The following NAGS variants were observed in gnomAD, a reference collection of about 807,000 sequenced individuals.
NAGS encodes N-acetylglutamate synthase.
A neutral mutation model predicts 46.9 loss-of-function variants in NAGS; 34 were observed. The observed-to-expected ratio is 0.72, with a 90% CI of 0.55 to 0.97. The LOEUF is 0.97. Among genes scored for constraint, NAGS ranks in the 50% least tolerant of loss-of-function variants. The probability of loss-of-function intolerance (pLI) is 0.00; values close to 1 mark genes in which losing one functional copy is unlikely to be tolerated. For synonymous variants in NAGS, 334 were observed against 346.3 expected (o/e 0.96, Z 0.39); for missense variants, 665 against 747.0 (o/e 0.89, Z 1.28).
In NAGS at chr17:44,008,491, ATCT is replaced by A. The variant is rs756231131; in HGVS notation, c.1502_1504del (p.Phe501del). ...TGGCAGCTTCTCCAACAAGCAGTGG[ATCT>A]TCTTCTGGTTTGGCCTGGCTGATAT... On this transcript the variant is annotated inframe_deletion, in exon 7 of 7. Transcript: ENST00000293404. The A allele has an allele frequency of 1.9e-6, 3 of 1,614,232 alleles. No individual in the cohort carries two copies. The highest frequency in any genetic ancestry group is 2.5e-6 in the Non-Finnish European group (3 of 1,180,030).
Position 44,005,962 on chromosome 17 carries a change from C to G in NAGS, c.701+51C>G. On this transcript the variant is annotated intron_variant, in intron 2 of 6. Transcript: ENST00000293404. This position sits in a 1 kb window ranked among gnomAD's most constrained non-coding sequence, Gnocchi z 7.2. ...GCGTCCTCAGAGCGTGCTACTCTGC[C>G]CGCCCTGCCCCGTCCGGCAGGCCTG... is the stretch of plus-strand genomic sequence containing the variant. The G allele has an allele frequency of 6.4e-7, 1 of 1,552,590 alleles. No individual in the cohort carries two copies. Among genetic ancestry groups the G allele is most frequent in the African/African-American group, 1.4e-5 (1 of 73,562 alleles).
In NAGS at chr17:44,007,333, C is replaced by T. The variant is rs781536676; in HGVS notation, c.1107C>T (p.Thr369=). 5.0e-6 allele frequency: 8 copies of T among 1,613,732 alleles called. No homozygotes were observed. Among genetic ancestry groups the T allele is most frequent in the Non-Finnish European group, 6.8e-6 (8 of 1,179,904 alleles). Residue 369 remains threonine (T), a synonymous_variant, in exon 5 of 7, where the codon ACC becomes ACT. Coordinates refer to ENST00000293404, the MANE Select transcript of NAGS (RefSeq NM_153006.3). The surrounding 1 kb of genome is among the most constrained non-coding windows in gnomAD (Gnocchi z 5.1). ...CCCATCCTCCTCCAGGGTCCGGGAC[C>T]CTGTTCAAGAACGCCGAGCGAATGC... ...TELFSNKGSG[T]LFKNAERMLR... is the part of the protein sequence containing the mutation.
rs551970622 is a variant in NAGS, at chr17:44,008,475, C to T, written c.1479C>T (p.Phe493=). The change falls in exon 7 of 7, where the codon TTC becomes TTT. Residue 493 remains phenylalanine (F), a synonymous_variant. Transcript: ENST00000293404. ...PWYFKHSDGS[F]SNKQWIFFWF... Reference sequence around the variant, plus strand: ...ACTTCAAACACAGTGATGGCAGCTTCTCCAACAAGCAGTGGATCTTCTTCT... The same window carrying T: ...ACTTCAAACACAGTGATGGCAGCTTTTCCAACAAGCAGTGGATCTTCTTCT... 17 of 1,614,278 alleles carry T rather than the reference C, an allele frequency of 1.1e-5. No individual in the cohort carries two copies. The East Asian group carries it at 3.1e-4, about 30-fold the overall frequency.
chr17:44,005,758 C>T lies in NAGS; in HGVS notation c.548C>T (p.Pro183Leu), dbSNP rs1324466206. ...CTGGGGCTGCCGGCCCCTACGGCTC[C>T]CTCGGGCTGTCTTTCCTTCTGGGAG... is the stretch of plus-strand genomic sequence containing the variant. ...VVLGLPAPTA[P>L]SGCLSFWEAK... Residue 183 changes from proline to leucine, a missense_variant, in exon 2 of 7, where the codon CCC becomes CTC. Pro to Leu is a moderately conservative substitution (Grantham distance 98, BLOSUM62 -3). Transcript: ENST00000293404. The surrounding 1 kb of genome is among the most constrained non-coding windows in gnomAD (Gnocchi z 7.2). 2 of 1,591,230 alleles carry T rather than the reference C, an allele frequency of 1.3e-6. No individual in the cohort carries two copies. The highest frequency in any genetic ancestry group is 1.7e-6 in the Non-Finnish European group (2 of 1,169,672).
chr17:44,008,983 C>T lies in NAGS; in HGVS notation c.*382C>T, dbSNP rs923164970. The T allele has an allele frequency of 3.9e-5, 11 of 284,842 alleles. No homozygotes were observed. The highest frequency in any genetic ancestry group is 1.5e-4 in the East Asian group (2 of 13,682). 17.6% of individuals were successfully genotyped at this position (284,842 alleles called of 1,614,324 possible). A position where few individuals can be genotyped will look rare whatever the true frequency, so the allele number is the denominator to read the frequency against. On this transcript the variant is annotated 3_prime_UTR_variant, in exon 7 of 7. Coordinates refer to ENST00000293404, the MANE Select transcript of NAGS (RefSeq NM_153006.3). ...TTACCCAAAATAATACCCCTGCCTG[C>T]GTGATATTCTACCATTCATTTTAAT...
Position 44,006,558 on chromosome 17 carries a change from C to A in NAGS, c.945C>A (p.Asp315Glu). 1 of 1,567,662 alleles carries A rather than the reference C, an allele frequency of 6.4e-7. No homozygotes were observed. Among genetic ancestry groups the A allele is most frequent in the Non-Finnish European group, 8.7e-7 (1 of 1,155,626 alleles). Residue 315 changes from aspartate to glutamate, a missense_variant, in exon 4 of 7, where the codon GAC becomes GAA. By Grantham distance (45) the Asp-to-Glu change is conservative. Transcript: ENST00000293404. This position sits in a 1 kb window ranked among gnomAD's most constrained non-coding sequence, Gnocchi z 4.8. ...TGAGTAACGTGAACCTGCCCGCCGA[C>A]CTGGACCTGGTGTGCAACGCCGAGT... ...KVLSNVNLPADLDLVCNAEWV... is the reference protein window; with the variant it reads ...KVLSNVNLPAELDLVCNAEWV...
chr17:44,006,843 T>C lies in NAGS; in HGVS notation c.1096+134T>C. The C allele has an allele frequency of 3.3e-6, 3 of 912,950 alleles. 1 individual carries two copies. Among genetic ancestry groups the C allele is most frequent in the South Asian group, 3.5e-5 (2 of 57,628 alleles). The allele number at this position is 912,950 out of a possible 1,614,324, so 56.6% of individuals were successfully genotyped here. On this transcript the variant is annotated intron_variant, in intron 4 of 6. Coordinates refer to ENST00000293404, the MANE Select transcript of NAGS (RefSeq NM_153006.3). The surrounding 1 kb of genome is among the most constrained non-coding windows in gnomAD (Gnocchi z 4.8). ...GGGGAGGCGGGGGGTGTCACAGCAA[T>C]GGCTCCTGCTGCTGCCGAAACCCGG...
Position 44,006,769 on chromosome 17 carries a change from G to A in NAGS, c.1096+60G>A. ...GGGAGTGAGTACTGGCCGGGGCTGG[G>A]TGTCTGCGGTCAGGAGGAGCGGCTT... On this transcript the variant is annotated intron_variant, in intron 4 of 6. Coordinates refer to ENST00000293404, the MANE Select transcript of NAGS (RefSeq NM_153006.3). This position sits in a 1 kb window ranked among gnomAD's most constrained non-coding sequence, Gnocchi z 4.8. 3 of 1,512,138 alleles carry A rather than the reference G, an allele frequency of 2.0e-6. No individual in the cohort carries two copies. Among genetic ancestry groups the A allele is most frequent in the Non-Finnish European group, 2.7e-6 (3 of 1,121,918 alleles). The allele number at this position is 1,512,138 out of a possible 1,614,324, so 93.7% of individuals were successfully genotyped here.
At position 44,006,178 on chromosome 17, in the gene NAGS, C is replaced by T. The variant is rs770479730; in HGVS notation, c.856C>T (p.Arg286Trp). The T allele has an allele frequency of 1.2e-6, 2 of 1,613,412 alleles. No homozygotes were observed. Among genetic ancestry groups the T allele is most frequent in the South Asian group, 1.1e-5 (1 of 91,082 alleles). ...GACCGCGTCGCTGGCCAAGGCGCTG[C>T]GGCCCACCAAAATCATCTTCCTCAA... ...EVTASLAKAL[R>W]PTKIIFLNNT... is the part of the protein sequence containing the mutation. The change falls in exon 3 of 7, where the codon CGG becomes TGG. Residue 286 changes from arginine (R) to tryptophan (W), a missense_variant. By Grantham distance (101) the Arg-to-Trp change is moderately radical. Coordinates refer to ENST00000293404, the MANE Select transcript of NAGS (RefSeq NM_153006.3). The surrounding 1 kb of genome is among the most constrained non-coding windows in gnomAD (Gnocchi z 4.8).
At position 44,008,640 on chromosome 17, in the gene NAGS, G is replaced by A. The variant is rs534454113; in HGVS notation, c.*39G>A. 5.7e-5 allele frequency: 92 copies of A among 1,612,254 alleles called. 4 individuals carry two copies. The South Asian group carries it at 1.0e-3, about 18-fold the overall frequency. ...CACTACAGGCCCTGGAATGGCCAGG[G>A]TGGACCAAAAGCCATGCCAGCTGGG... On this transcript the variant is annotated 3_prime_UTR_variant, in exon 7 of 7. Coordinates refer to ENST00000293404, the MANE Select transcript of NAGS (RefSeq NM_153006.3).
At position 44,006,852 on chromosome 17, in the gene NAGS, C is replaced by G. The variant is rs1003388923; in HGVS notation, c.1096+143C>G. ...GGGGGTGTCACAGCAATGGCTCCTGCTGCTGCCGAAACCCGGGGGAGGTGA... is the reference window on the plus strand; with the variant it reads ...GGGGGTGTCACAGCAATGGCTCCTGGTGCTGCCGAAACCCGGGGGAGGTGA... On this transcript the variant is annotated intron_variant, in intron 4 of 6. Coordinates refer to ENST00000293404, the MANE Select transcript of NAGS (RefSeq NM_153006.3). The surrounding 1 kb of genome is among the most constrained non-coding windows in gnomAD (Gnocchi z 4.8). 9 of 858,464 alleles carry G rather than the reference C, an allele frequency of 1.0e-5. No homozygotes were observed. In the African/African-American group the frequency reaches 1.4e-4, roughly 13 times the overall value. The allele number at this position is 858,464 out of a possible 1,614,324, so 53.2% of individuals were successfully genotyped here. A position where few individuals can be genotyped will look rare whatever the true frequency, so the allele number is the denominator to read the frequency against.
At position 44,006,142 on chromosome 17, in the gene NAGS, TC is replaced by T; in HGVS notation, c.823del (p.Leu275TrpfsTer3). The T allele has an allele frequency of 6.2e-7, 1 of 1,613,258 alleles. No homozygotes were observed. The highest frequency in any genetic ancestry group is 8.5e-7 in the Non-Finnish European group (1 of 1,179,948). On this transcript the variant is annotated frameshift_variant, in exon 3 of 7. Transcript: ENST00000293404. LOFTEE classifies it high-confidence loss of function. The surrounding 1 kb of genome is among the most constrained non-coding windows in gnomAD (Gnocchi z 4.8). ...TAARRSVLLDSLEVTASLAKA... is the reference protein window; with the variant it reads ...TAARRSVLLDXLEVTASLAKA... ...CGCGCGCCGCTCCGTGCTTCTCGACTCCCTGGAGGTGACCGCGTCGCTGGCC... is the reference window on the plus strand; with the variant it reads ...CGCGCGCCGCTCCGTGCTTCTCGACTCCTGGAGGTGACCGCGTCGCTGGCC...
In NAGS at chr17:44,004,714, G is replaced by T; in HGVS notation, c.51G>T (p.Pro17=). The part of the protein sequence containing the change: ...AVVLRAAAVA[P]RLRGRGGTGG... ...TTCTGCGGGCAGCTGCTGTAGCCCCGAGGCTGAGAGGCCGGGGAGGCACTG... is the reference window on the plus strand; with the variant it reads ...TTCTGCGGGCAGCTGCTGTAGCCCCTAGGCTGAGAGGCCGGGGAGGCACTG... The change falls in exon 1 of 7, where the codon CCG becomes CCT. Residue 17 remains proline, a synonymous_variant. Transcript: ENST00000293404. The T allele has an allele frequency of 6.7e-7, 1 of 1,503,664 alleles. No homozygotes were observed. 93.1% of individuals were successfully genotyped at this position (1,503,664 alleles called of 1,614,324 possible).
Position 44,006,822 on chromosome 17 carries a change from A to G in NAGS, c.1096+113A>G. The G allele has an allele frequency of 2.6e-6, 3 of 1,166,270 alleles. No homozygotes were observed. Among genetic ancestry groups the G allele is most frequent in the Non-Finnish European group, 3.5e-6 (3 of 847,096 alleles). 72.2% of individuals were successfully genotyped at this position (1,166,270 alleles called of 1,614,324 possible). A position where few individuals can be genotyped will look rare whatever the true frequency, so the allele number is the denominator to read the frequency against. The stretch of plus-strand genomic sequence containing the variant: ...CCTCCTGTCCAGGAGCCGTAGGGGG[A>G]GGCGGGGGGTGTCACAGCAATGGCT... On this transcript the variant is annotated intron_variant, in intron 4 of 6. Transcript: ENST00000293404. This position sits in a 1 kb window ranked among gnomAD's most constrained non-coding sequence, Gnocchi z 4.8.
Position 44,005,505 on chromosome 17 carries a change from G to A in NAGS, c.427-132G>A, listed in dbSNP as rs1052968279. Reference sequence around the variant, plus strand: ...ACGGGGCAAAGGGCGGAGCAGGTGGGCACTGGTGGCCAGAACTGGGTCCTG... The same window carrying A: ...ACGGGGCAAAGGGCGGAGCAGGTGGACACTGGTGGCCAGAACTGGGTCCTG... On this transcript the variant is annotated intron_variant, in intron 1 of 6. Transcript: ENST00000293404. This position sits in a 1 kb window ranked among gnomAD's most constrained non-coding sequence, Gnocchi z 7.2. 1.6e-6 allele frequency: 2 copies of A among 1,252,026 alleles called. No individual in the cohort carries two copies. Among genetic ancestry groups the A allele is most frequent in the Admixed American group, 2.1e-5 (1 of 48,444 alleles). The allele number at this position is 1,252,026 out of a possible 1,614,324, so 77.6% of individuals were successfully genotyped here. A position where few individuals can be genotyped will look rare whatever the true frequency, so the allele number is the denominator to read the frequency against.
At position 44,007,910 on chromosome 17, in the gene NAGS, C is replaced by A; in HGVS notation, c.1451+137C>A. On this transcript the variant is annotated intron_variant, in intron 6 of 6. Transcript: ENST00000293404. The surrounding 1 kb of genome is among the most constrained non-coding windows in gnomAD (Gnocchi z 5.1). ...TTCACTACCTCCCAGGGGCAGAACA[C>A]ACAGAAAGCCTGAGATTTCCCGAGT... The A allele has an allele frequency of 1.1e-6, 1 of 904,890 alleles. No individual in the cohort carries two copies. Among genetic ancestry groups the A allele is most frequent in the Non-Finnish European group, 1.7e-6 (1 of 575,616 alleles). 56.1% of individuals were successfully genotyped at this position (904,890 alleles called of 1,614,324 possible).
rs202173320 is a variant in NAGS at position 44,006,162 on chromosome 17, G to T, written c.840G>T (p.Ser280=). ...TCGACTCCCTGGAGGTGACCGCGTC[G>T]CTGGCCAAGGCGCTGCGGCCCACCA... The part of the protein sequence containing the change: ...VLLDSLEVTA[S]LAKALRPTKI... Residue 280 remains serine, a synonymous_variant, in exon 3 of 7, where the codon TCG becomes TCT. Coordinates refer to ENST00000293404, the MANE Select transcript of NAGS (RefSeq NM_153006.3). The surrounding 1 kb of genome is among the most constrained non-coding windows in gnomAD (Gnocchi z 4.8). The T allele has an allele frequency of 6.2e-7, 1 of 1,613,374 alleles. No individual in the cohort carries two copies. Among genetic ancestry groups the T allele is most frequent in the Admixed American group, 1.7e-5 (1 of 60,016 alleles).
chr17:44,008,441 C>A lies in NAGS; in HGVS notation c.1452-7C>A, dbSNP rs775664090. 1.4e-5 allele frequency: 22 copies of A among 1,614,134 alleles called. No individual in the cohort carries two copies. ...AACTGTTTCCTACATCACCTCCCCA[C>A]ACCCAGGTACTTCAAACACAGTGAT... On this transcript the variant is annotated splice_polypyrimidine_tract_variant and splice_region_variant and intron_variant, in intron 6 of 6. Transcript: ENST00000293404.
rs1258825912 is a variant in NAGS at position 44,005,074 on chromosome 17, CTTCGCCG to C, written c.413_419del (p.Phe138SerfsTer30). On this transcript the variant is annotated frameshift_variant, in exon 1 of 7. Coordinates refer to ENST00000293404, the MANE Select transcript of NAGS (RefSeq NM_153006.3). LOFTEE classifies it high-confidence loss of function. The surrounding 1 kb of genome is among the most constrained non-coding windows in gnomAD (Gnocchi z 7.2). ...CCTGCCATCACTCCGCGGACAAGCC[CTTCGCCG>C]TCATCGAGGTGAGCGGAGCCCGGCG... 1 of 1,573,000 alleles carries C rather than the reference CTTCGCCG, an allele frequency of 6.4e-7. No homozygotes were observed. Among genetic ancestry groups the C allele is most frequent in the Non-Finnish European group, 8.6e-7 (1 of 1,163,478 alleles).
Sources: allele counts gnomAD v4.1 joint callset, GRCh38; gene constraint gnomAD v4.1.1; non-coding constraint Gnocchi (gnomAD v3.1); transcripts MANE v1.5; gene names NCBI Gene and HGNC (gene_info 2026-07-23, HGNC 2026-07-21).